PDZD2: variants seen among roughly 807,000 people sequenced by gnomAD.
PDZD2 encodes PDZ domain containing 2.
In PDZD2, 90 loss-of-function variants were observed where a neutral mutation model predicts 220.7. The ratio of observed to expected loss-of-function variants is 0.41; its 90% confidence interval spans 0.34 to 0.49. The LOEUF (loss-of-function observed/expected upper bound fraction) is 0.49, where lower values mean the gene tolerates loss of function less well. PDZD2 is among the 20% of genes least tolerant of loss of function. The pLI is 0.28. For missense variants in PDZD2, 3,174 were observed against 3,608.5 expected, an observed-to-expected ratio of 0.88 and a Z score of 3.08; for synonymous variants, 1,375 against 1,450.5, an observed-to-expected ratio of 0.95 and a Z score of 1.18.
chr5:31,853,822 C>A lies in PDZD2; in HGVS notation c.476+54098C>A, dbSNP rs146953500. On this transcript the variant is annotated intron_variant, in intron 2 of 24. Coordinates refer to ENST00000438447, the MANE Select transcript of PDZD2 (RefSeq NM_178140.4). The stretch of plus-strand genomic sequence containing the variant: ...TGAACCCCAAGGAGTGGAGTGTGTG[C>A]CTGCCTGTGCAAGTCCCGGGAGGGA... Among the ~76,000 whole-genome samples, 1,451 of 152,134 alleles carry A rather than the reference C, an allele frequency of 9.5e-3. 21 individuals are homozygous for A. Among genetic ancestry groups the A allele is most frequent in the African/African-American group, 0.033 (1,364 of 41,508 alleles).
chr5:31,972,398 G>T (rs550355855), intron 2 of PDZD2, among the ~76,000 whole-genome samples: 2 of 151,948 alleles, frequency 1.3e-5, no homozygotes, highest in East Asian at 3.9e-4. Flanking sequence ...ACAGATGTGA[G>T]CCACAGCACC....
At chr5:31,888,725 A>G (rs1029865041) in intron 2 of PDZD2, among the ~76,000 whole-genome samples, 1 of 152,282 alleles carries the variant, frequency 6.6e-6, no homozygotes, top group African/African-American at 2.4e-5. Context: ...TTTTCTTAAC[A>G]CTAAATCATT....
Position 32,087,664 on chromosome 5 carries a change from G to A in PDZD2, c.4216G>A (p.Ala1406Thr), listed in dbSNP as rs975491565. ...MLPSTDNTKEACGHVSGHCCP... is the reference protein window; with the variant it reads ...MLPSTDNTKETCGHVSGHCCP... ...GCCATCCACTGACAACACCAAAGAA[G>A]CATGTGGCCATGTCTCGGGGCACTG... is the stretch of plus-strand genomic sequence containing the variant. Residue 1406 changes from alanine to threonine, a missense_variant, in exon 20 of 25, where the codon GCA (alanine) becomes ACA (threonine). Around this residue, in one of 4 missense-constraint regions of PDZD2, gnomAD observed 1,861 missense variants for 2,001.0 expected, o/e 0.93. Coordinates refer to ENST00000438447, the MANE Select transcript of PDZD2 (RefSeq NM_178140.4). The surrounding 1 kb of genome is among the most constrained non-coding windows in gnomAD (Gnocchi z 4.0). The A allele has an allele frequency of 1.1e-5, 18 of 1,614,104 alleles. No homozygotes were observed. The Admixed American group carries it at 2.5e-4, about 22-fold the overall frequency.
chr5:32,075,514 G>A (rs1344831036), intron 18 of PDZD2, among the ~76,000 whole-genome samples: 1 of 152,070 alleles, frequency 6.6e-6, no homozygotes, highest in Non-Finnish European at 1.5e-5. Context: ...GTATCATATG[G>A]AATAACAGGA....
intron 8 of PDZD2, 36 bp downstream of exon 8, chr5:32,048,720 A>G (rs781559474): frequency 6.2e-7 from 1 of 1,608,108 alleles, no homozygotes; most frequent in East Asian, 2.2e-5. Flanking sequence ...CAAAGACCAT[A>G]AGGGCTTACA....
chr5:31,822,513 G>A (rs1755949021), intron 2 of PDZD2: 6 of 565,828 alleles, frequency 1.1e-5, no homozygotes, highest in Non-Finnish European at 1.9e-5. Flanking sequence ...TAGGTCTTAG[G>A]AAGCATCCGG....
intron 15 of PDZD2, 21 bp from the exon 16 acceptor site, chr5:32,071,363 G>A (rs1561502370): frequency 1.3e-6 from 2 of 1,579,808 alleles, no homozygotes; most frequent in Non-Finnish European, 1.7e-6. Context: ...TTGACAATAT[G>A]GTGAATTTTC....
intron 24 of PDZD2, among the ~76,000 whole-genome samples, chr5:32,102,271 C>A (rs572415190): frequency 1.5e-4 from 23 of 152,014 alleles, no homozygotes; most frequent in Non-Finnish European, 2.9e-4. Context: ...GGGGCCCACC[C>A]AGGAGCAGGG....
chr5:31,876,192 T>C (rs1263293842), intron 2 of PDZD2, among the ~76,000 whole-genome samples: 1 of 152,158 alleles, frequency 6.6e-6, no homozygotes, highest in Non-Finnish European at 1.5e-5. Context: ...TACTTTCTAG[T>C]TTTGGTTACT....
chr5:31,921,976 G>T (rs959075), intron 2 of PDZD2, among the ~76,000 whole-genome samples: 91,822 of 151,848 alleles, frequency 0.6, 28,149 homozygotes, highest in East Asian at 0.86. Context: ...TTACAGGCCA[G>T]CCAGCCACAT....
At chr5:31,899,052 C>A (rs1323684100) in intron 2 of PDZD2, among the ~76,000 whole-genome samples, 1 of 151,984 alleles carries the variant, frequency 6.6e-6, no homozygotes, top group Non-Finnish European at 1.5e-5. Context: ...TGGTTTCAAT[C>A]TCCTGACCTC....
At chr5:31,904,033 CTTT>C (rs1289381668) in intron 2 of PDZD2, among the ~76,000 whole-genome samples, 1 of 136,028 alleles carries the variant, frequency 7.4e-6, no homozygotes. Flanking sequence ...CACCCAGCCA[CTTT>C]TTTTTTTTTT....
chr5:31,840,532 G>A, intron 2 of PDZD2: 1 of 623,878 alleles, frequency 1.6e-6, no homozygotes, highest in Non-Finnish European at 3.0e-6. Flanking sequence ...CAGCAGCTCA[G>A]GCTCCTTCCC....
In PDZD2 at chr5:32,089,791, CG is replaced by C; in HGVS notation, c.6347del (p.Gly2116GlufsTer75). On this transcript the variant is annotated frameshift_variant, in exon 20 of 25. Transcript: ENST00000438447. LOFTEE classifies it high-confidence loss of function. ...CGNKPAESDR[R>X]GGCLAQGNCQ... ...TAACAAGCCAGCTGAAAGCGACAGA[CG>C]GGGAGGGTGCTTGGCCCAGGGCAAC... 6.2e-7 allele frequency: 1 copy of C among 1,614,156 alleles called. No individual in the cohort carries two copies. Among genetic ancestry groups the C allele is most frequent in the Non-Finnish European group, 8.5e-7 (1 of 1,180,020 alleles).
intron 2 of PDZD2, among the ~76,000 whole-genome samples, 171 bp from the exon 3 acceptor site, chr5:31,982,984 A>G (rs1347609592): frequency 6.6e-6 from 1 of 152,190 alleles, no homozygotes; most frequent in Non-Finnish European, 1.5e-5. Context: ...TGTATCAATT[A>G]TTACATAGAT....
chr5:31,812,955 C>T (rs1480473090), intron 2 of PDZD2, among the ~76,000 whole-genome samples: 5 of 152,150 alleles, frequency 3.3e-5, no homozygotes, highest in Non-Finnish European at 1.5e-5. Flanking sequence ...TTCCTGCTAC[C>T]ATGTGCTAGT....
Position 32,000,110 on chromosome 5 carries a change from G to A in PDZD2, c.1122-29G>A, listed in dbSNP as rs1364294120. On this transcript the variant is annotated intron_variant, in intron 4 of 24. Transcript: ENST00000438447. The surrounding 1 kb of genome is among the most constrained non-coding windows in gnomAD (Gnocchi z 4.5). ...CTCAGGCCCAGAATGTCTTGACAAG[G>A]GATCTTTTTCCCATCTCCCTTTCCT... 1.9e-6 allele frequency: 3 copies of A among 1,611,916 alleles called. No homozygotes were observed. Among genetic ancestry groups the A allele is most frequent in the African/African-American group, 2.7e-5 (2 of 74,980 alleles).
At chr5:31,923,608 G>A (rs557775819) in intron 2 of PDZD2, 7 of 741,236 alleles carry the variant, frequency 9.4e-6, no homozygotes, top group African/African-American at 5.2e-5. Flanking sequence ...GCTCGGATAA[G>A]AGATGGGACA....
chr5:31,689,255 G>GTGTGTGTGTT (rs1477513663), intron 1 of PDZD2, among the ~76,000 whole-genome samples: 1 of 129,638 alleles, frequency 7.7e-6, no homozygotes, highest in Non-Finnish European at 1.6e-5. Flanking sequence ...GTGTGTGTGT[G>GTGTGTGTGTT]TGTGTGTGTA....
Sources: gnomAD v4.1 joint callset for allele counts (sites outside exome capture counted in the v4.1 genomes callset) on GRCh38, gnomAD v4.1.1 for gene constraint, gnomAD v4.1.1 regional missense constraint, Gnocchi (gnomAD v3.1) non-coding constraint, MANE v1.5 for transcripts, NCBI Gene and HGNC (gene_info 2026-07-23, HGNC 2026-07-21) for gene names.